CNTNAP2: variants seen among roughly 807,000 people sequenced by gnomAD.
CNTNAP2 encodes the protein contactin-associated protein-like 2.
In CNTNAP2, 98 loss-of-function variants were observed where a neutral mutation model predicts 155.2. The ratio of observed to expected loss-of-function variants is 0.63; its 90% confidence interval spans 0.54 to 0.75. The LOEUF is 0.75. Among genes scored for constraint, CNTNAP2 ranks in the 30% least tolerant of loss-of-function variants. The pLI, the probability that CNTNAP2 is intolerant of heterozygous loss-of-function variation, is 0.00. For synonymous variants in CNTNAP2, 651 were observed against 631.2 expected (o/e 1.03, Z -0.47); for missense variants, 1,727 against 1,688.1 (o/e 1.02, Z -0.40).
intron 1 of CNTNAP2, among the ~76,000 whole-genome samples, chr7:146,425,064 T>C (rs556003821): frequency 2.0e-4 from 30 of 152,330 alleles, no homozygotes; most frequent in African/African-American, 6.7e-4. Flanking sequence ...AGATCCACCA[T>C]GACATCCGTA....
chr7:147,359,126 T>C (rs1287296518), intron 9 of CNTNAP2, among the ~76,000 whole-genome samples: 1 of 152,206 alleles, frequency 6.6e-6, no homozygotes, highest in Admixed American at 6.6e-5. Flanking sequence ...TAGTGATGTC[T>C]AATAGGCATC....
chr7:147,920,805 CTTT>C (rs1219556681), intron 14 of CNTNAP2, among the ~76,000 whole-genome samples: 53 of 100,646 alleles, frequency 5.3e-4, no homozygotes, highest in Middle Eastern at 7.7e-3. Context: ...CTGCTCCTGT[CTTT>C]TTTTTTTTTT....
At chr7:147,727,411 T>C (rs1473231249) in intron 13 of CNTNAP2, among the ~76,000 whole-genome samples, 1 of 152,048 alleles carries the variant, frequency 6.6e-6, no homozygotes, top group Admixed American at 6.6e-5. Flanking sequence ...TTCCAATCCT[T>C]AATCTTTTAA....
intron 1 of CNTNAP2, among the ~76,000 whole-genome samples, chr7:146,393,733 C>A: frequency 6.7e-6 from 1 of 148,992 alleles, no homozygotes; most frequent in Middle Eastern, 3.3e-3. Context: ...GCAGGCAATG[C>A]CATTTAATCA....
At chr7:146,375,496 C>T (rs1795292291) in intron 1 of CNTNAP2, among the ~76,000 whole-genome samples, 1 of 152,176 alleles carries the variant, frequency 6.6e-6, no homozygotes, top group Admixed American at 6.5e-5. Context: ...TAATATGAGG[C>T]TGGATTGAAT....
chr7:148,046,199 GC>G (rs1802770858), intron 15 of CNTNAP2, among the ~76,000 whole-genome samples: 1 of 152,062 alleles, frequency 6.6e-6, no homozygotes, highest in African/African-American at 2.4e-5. Context: ...TCCCATTTCA[GC>G]CTTCCAAAGT....
At position 147,721,771 on chromosome 7, in the gene CNTNAP2, G is replaced by T. The variant is rs556435451; in HGVS notation, c.2098+82465G>T. Among the ~76,000 whole-genome samples the T allele has an allele frequency of 9.2e-5, 14 of 152,124 alleles. No individual in the cohort carries two copies. The East Asian group carries it at 2.7e-3, about 29-fold the overall frequency. On this transcript the variant is annotated intron_variant, in intron 13 of 23. Coordinates refer to ENST00000361727, the MANE Select transcript of CNTNAP2 (RefSeq NM_014141.6). ...ATTAATTAAAATAAATGCTCATAGT[G>T]CCCTATTAAATTGGCTGCATTTTGA...
intron 3 of CNTNAP2, among the ~76,000 whole-genome samples, chr7:146,840,191 T>C (rs895484697): frequency 6.6e-6 from 1 of 152,084 alleles, no homozygotes; most frequent in Non-Finnish European, 1.5e-5. Flanking sequence ...ATCACGTAAG[T>C]TGAAATAGTG....
chr7:147,631,716 A>G (rs888842546), intron 12 of CNTNAP2, among the ~76,000 whole-genome samples: 15 of 152,184 alleles, frequency 9.9e-5, no homozygotes, highest in Non-Finnish European at 1.9e-4. Flanking sequence ...AGCAAACAAA[A>G]ACATTAAGTG....
At chr7:148,000,105 G>A (rs1801871397) in intron 15 of CNTNAP2, among the ~76,000 whole-genome samples, 1 of 152,168 alleles carries the variant, frequency 6.6e-6, no homozygotes, top group African/African-American at 2.4e-5. Context: ...TGTTTGTTAT[G>A]GTTAAAGGAC....
chr7:148,213,245 T>C (rs1474413749), intron 18 of CNTNAP2, among the ~76,000 whole-genome samples: 1 of 152,168 alleles, frequency 6.6e-6, no homozygotes, highest in African/African-American at 2.4e-5. Flanking sequence ...GGACTAGGCC[T>C]GGGGACCAGC....
chr7:146,969,329 G>T (rs555661947), intron 3 of CNTNAP2, among the ~76,000 whole-genome samples: 7 of 151,934 alleles, frequency 4.6e-5, no homozygotes, highest in Non-Finnish European at 8.8e-5. Flanking sequence ...TATTAGGTCC[G>T]CTTGGTGCAG....
chr7:147,587,171 C>T (rs1800645321), intron 12 of CNTNAP2, among the ~76,000 whole-genome samples: 1 of 152,170 alleles, frequency 6.6e-6, no homozygotes, highest in South Asian at 2.1e-4. Context: ...TTAGGTGTTG[C>T]TCTCTATTTG....
At chr7:147,403,133 C>T (rs1002528708) in intron 10 of CNTNAP2, among the ~76,000 whole-genome samples, 2 of 152,154 alleles carry the variant, frequency 1.3e-5, no homozygotes, top group Admixed American at 1.3e-4. Flanking sequence ...CCCATGACTG[C>T]TTATCCTAAC....
intron 19 of CNTNAP2, among the ~76,000 whole-genome samples, chr7:148,225,566 C>CT (rs1795829891): frequency 6.6e-6 from 1 of 152,170 alleles, no homozygotes; most frequent in Non-Finnish European, 1.5e-5. Flanking sequence ...GATTTTTACT[C>CT]TGAGACGGGG....
intron 2 of CNTNAP2, among the ~76,000 whole-genome samples, chr7:146,779,916 C>G (rs931194372): frequency 6.6e-6 from 1 of 152,172 alleles, no homozygotes. Flanking sequence ...GGAGAGACTG[C>G]TAGAATAGAT....
chr7:148,401,377 C>A (rs1394407211), intron 22 of CNTNAP2, among the ~76,000 whole-genome samples: 2 of 152,236 alleles, frequency 1.3e-5, no homozygotes, highest in Admixed American at 1.3e-4. Flanking sequence ...TAAAGGCCAG[C>A]TGTCACAATC....
At chr7:147,721,449 A>G (rs1195584284) in intron 13 of CNTNAP2, among the ~76,000 whole-genome samples, 1 of 152,092 alleles carries the variant, frequency 6.6e-6, no homozygotes, top group Non-Finnish European at 1.5e-5. Context: ...TCAGGTTCAG[A>G]AAAAGGGTGG....
intron 8 of CNTNAP2, among the ~76,000 whole-genome samples, chr7:147,253,269 A>C (rs563205134): frequency 6.6e-6 from 1 of 152,242 alleles, no homozygotes; most frequent in South Asian, 2.1e-4. Context: ...GGAATCTAAT[A>C]TAGAAAATGA....
Sources: gnomAD v4.1 joint callset for allele counts (sites outside exome capture counted in the v4.1 genomes callset) on GRCh38, gnomAD v4.1.1 for gene constraint, MANE v1.5 for transcripts, NCBI Gene and HGNC (gene_info 2026-07-23, HGNC 2026-07-21) for gene names.